DAAM2: variants seen among roughly 807,000 people sequenced by gnomAD.
DAAM2 encodes disheveled-associated activator of morphogenesis 2.
In DAAM2, 39 loss-of-function variants were observed where a neutral mutation model predicts 120.7. That is an observed-to-expected ratio of 0.32 (90% confidence interval 0.25 to 0.42). DAAM2 has a LOEUF of 0.42. DAAM2 is among the 10% of genes least tolerant of loss of function. DAAM2 has a pLI of 1.00. For missense variants in DAAM2, 1,283 were observed against 1,401.7 expected, an observed-to-expected ratio of 0.92 and a Z score of 1.35; for synonymous variants, 488 against 524.9, an observed-to-expected ratio of 0.93 and a Z score of 0.96.
At chr6:39,853,232 C>T (rs928391159) in intron 1 of DAAM2, among the ~76,000 whole-genome samples, 1 of 152,158 alleles carries the variant, frequency 6.6e-6, no homozygotes, top group Non-Finnish European at 1.5e-5. Flanking sequence ...CATCTTTTGG[C>T]AGAGAACCTG....
At chr6:39,879,715 C>T in intron 14 of DAAM2, 2 of 604,484 alleles carry the variant, frequency 3.3e-6, no homozygotes, top group Non-Finnish European at 5.9e-6. Flanking sequence ...AAGTCATCTA[C>T]AAATGGAATT....
intron 1 of DAAM2, among the ~76,000 whole-genome samples, chr6:39,816,304 A>G (rs1482061585): frequency 1.3e-5 from 2 of 152,354 alleles, no homozygotes; most frequent in East Asian, 3.9e-4. Flanking sequence ...ATATTGCTCT[A>G]TAAATGTTCT....
chr6:39,828,747 G>C (rs1234575564), intron 1 of DAAM2, among the ~76,000 whole-genome samples: 1 of 152,014 alleles, frequency 6.6e-6, no homozygotes, highest in Non-Finnish European at 1.5e-5. Flanking sequence ...ATTTTTGGTA[G>C]AGACGGGGTT....
Position 39,871,525 on chromosome 6 carries a change from A to G in DAAM2, c.997A>G (p.Met333Val), listed in dbSNP as rs1321759429. 5.2e-6 allele frequency: 8 copies of G among 1,551,428 alleles called. No individual in the cohort carries two copies. Among genetic ancestry groups the G allele is most frequent in the East Asian group, 2.4e-5 (1 of 40,920 alleles). The change falls in exon 9 of 25, where the codon ATG (methionine) becomes GTG (valine). Residue 333 changes from methionine to valine, a missense_variant. Coordinates refer to ENST00000274867, the MANE Select transcript of DAAM2 (RefSeq NM_001201427.2). Reference sequence around the variant, plus strand: ...GTCTAGACATTTAGACTTCTTCGAGATGGTGCGGAATGAGGATGACCTGGA... The same window carrying G: ...GTCTAGACATTTAGACTTCTTCGAGGTGGTGCGGAATGAGGATGACCTGGA... ...ILDKHLDFFEMVRNEDDLELA... is the reference protein window; with the variant it reads ...ILDKHLDFFEVVRNEDDLELA...
chr6:39,883,673 T>G, intron 14 of DAAM2: 9 of 333,912 alleles, frequency 2.7e-5, no homozygotes, highest in East Asian at 5.2e-5. Context: ...TGGACCCCCT[T>G]TCCTACTGCC....
intron 1 of DAAM2, among the ~76,000 whole-genome samples, chr6:39,847,468 G>A (rs1012437604): frequency 6.6e-6 from 1 of 152,108 alleles, no homozygotes; most frequent in Admixed American, 6.5e-5. Context: ...TCCTGTGTAG[G>A]GTGATTTCCC....
intron 17 of DAAM2, among the ~76,000 whole-genome samples, chr6:39,890,520 T>C (rs1765647091): frequency 6.6e-6 from 1 of 152,150 alleles, no homozygotes; most frequent in South Asian, 2.1e-4. Context: ...AAAGAGAGCA[T>C]ACAGCATGAG....
In DAAM2 at chr6:39,816,272, G is replaced by A. The variant is rs1322574873; in HGVS notation, c.-57+23807G>A. Among the ~76,000 whole-genome samples, 13 of 152,162 alleles carry A rather than the reference G, an allele frequency of 8.5e-5. 1 individual carries two copies. The highest frequency in any genetic ancestry group is 2.9e-5 in the Non-Finnish European group (2 of 68,032). On this transcript the variant is annotated intron_variant, in intron 1 of 24. Coordinates refer to ENST00000274867, the MANE Select transcript of DAAM2 (RefSeq NM_001201427.2). Reference sequence around the variant, plus strand: ...TGAGGTCCCACAGTTTGACTGCAATGTATTTATTTTTGCAATGGGGCATAT... The same window carrying A: ...TGAGGTCCCACAGTTTGACTGCAATATATTTATTTTTGCAATGGGGCATAT...
intron 15 of DAAM2, chr6:39,884,326 C>T (rs145355962): frequency 3.0e-5 from 12 of 395,570 alleles, no homozygotes; most frequent in African/African-American, 2.0e-4. Flanking sequence ...GGGAAATATG[C>T]TTGTATTATG....
intron 1 of DAAM2, among the ~76,000 whole-genome samples, chr6:39,852,906 TGAG>T (rs990326911): frequency 2.6e-5 from 4 of 152,174 alleles, no homozygotes; most frequent in Non-Finnish European, 5.9e-5. Flanking sequence ...CTCCTACTGA[TGAG>T]GAGAAGGAGG....
At chr6:39,820,493 A>G (rs1762453819) in intron 1 of DAAM2, 1 of 152,210 alleles carries the variant, frequency 6.6e-6, no homozygotes, top group South Asian at 2.1e-4. Flanking sequence ...GCTTCCACGT[A>G]GAATACATTT....
intron 1 of DAAM2, among the ~76,000 whole-genome samples, chr6:39,817,340 A>C (rs1309881213): frequency 6.6e-6 from 1 of 152,182 alleles, no homozygotes; most frequent in African/African-American, 2.4e-5. Flanking sequence ...GTAATAACAC[A>C]CAATCTCCAA....
At chr6:39,898,795 C>G (rs771869388) in intron 21 of DAAM2, 82 bp from the exon 22 acceptor site, 112 of 1,228,114 alleles carry the variant, frequency 9.1e-5, no homozygotes, top group Non-Finnish European at 1.2e-4. Context: ...GTGCTTGGCT[C>G]TGCCCTCTCC....
At position 39,904,539 on chromosome 6, in the gene DAAM2, C is replaced by G. The variant is rs886418154; in HGVS notation, c.*2502C>G. On this transcript the variant is annotated 3_prime_UTR_variant, in exon 25 of 25. Coordinates refer to ENST00000274867, the MANE Select transcript of DAAM2 (RefSeq NM_001201427.2). ...AATGTAAAATTCGTCATCAACCTAA[C>G]AAACACAACCTTCTCAGCAGCATTT... 8 of 452,476 alleles carry G rather than the reference C, an allele frequency of 1.8e-5. No individual in the cohort carries two copies. The highest frequency in any genetic ancestry group is 3.1e-5 in the Non-Finnish European group (7 of 226,750). 28.0% of individuals were successfully genotyped at this position (452,476 alleles called of 1,614,324 possible).
intron 1 of DAAM2, among the ~76,000 whole-genome samples, chr6:39,792,670 G>C (rs302625): frequency 1 from 151,657 of 152,332 alleles, 75,497 homozygotes; most frequent in Non-Finnish European, 1. Flanking sequence ...CCCAGGGCCT[G>C]TGTGTGTGTG....
intron 9 of DAAM2, among the ~76,000 whole-genome samples, chr6:39,872,907 G>A (rs1408190680): frequency 1.3e-5 from 2 of 152,136 alleles, no homozygotes; most frequent in East Asian, 3.9e-4. Context: ...CAATGTCTGG[G>A]GACATTTTGA....
In DAAM2 at chr6:39,902,185, C is replaced by G. The variant is rs1766533719; in HGVS notation, c.*148C>G. On this transcript the variant is annotated 3_prime_UTR_variant, in exon 25 of 25. Coordinates refer to ENST00000274867, the MANE Select transcript of DAAM2 (RefSeq NM_001201427.2). ...GATGGGGGGCTGTGTGTGGCTGGAC[C>G]AGGTGTCTCCCCACGCTTACCTTAA... 2 of 580,972 alleles carry G rather than the reference C, an allele frequency of 3.4e-6. No individual in the cohort carries two copies. Among genetic ancestry groups the G allele is most frequent in the Non-Finnish European group, 5.8e-6 (2 of 343,500 alleles). The allele number at this position is 580,972 out of a possible 1,614,324, so 36.0% of individuals were successfully genotyped here. A position where few individuals can be genotyped will look rare whatever the true frequency, so the allele number is the denominator to read the frequency against.
intron 1 of DAAM2, among the ~76,000 whole-genome samples, chr6:39,805,126 T>TG (rs1315663558): frequency 6.6e-6 from 1 of 152,216 alleles, no homozygotes; most frequent in African/African-American, 2.4e-5. Context: ...AGCCCACAGC[T>TG]GCATTTTCAC....
At chr6:39,861,214 T>A in intron 3 of DAAM2, 197 bp downstream of exon 3, 1 of 667,094 alleles carries the variant, frequency 1.5e-6, no homozygotes, top group Admixed American at 2.1e-5. Context: ...AATAGGATTC[T>A]CTTTTTCAAA....
Sources: gnomAD v4.1 joint callset for allele counts (sites outside exome capture counted in the v4.1 genomes callset) on GRCh38, gnomAD v4.1.1 for gene constraint, MANE v1.5 for transcripts, NCBI Gene and HGNC (gene_info 2026-07-23, HGNC 2026-07-21) for gene names.